RYR1: variants seen among roughly 807,000 people sequenced by gnomAD.
RYR1 encodes the protein central core disease of muscle.
RYR1 carries 342 observed loss-of-function variants against 583.5 expected under a neutral mutation model. The observed-to-expected ratio is 0.59, with a 90% CI of 0.54 to 0.64. RYR1 has a LOEUF of 0.64. Among genes scored for constraint, RYR1 ranks in the 30% least tolerant of loss-of-function variants. The pLI, the probability that RYR1 is intolerant of heterozygous loss-of-function variation, is 0.00. For missense variants in RYR1, 6,032 were observed against 6,917.2 expected, an observed-to-expected ratio of 0.87 and a Z score of 4.54; for synonymous variants, 2,791 against 2,822.5, an observed-to-expected ratio of 0.99 and a Z score of 0.35.
Position 38,587,349 on chromosome 19 carries a change from C to G in RYR1, c.15046C>G (p.Gln5016Glu), listed in dbSNP as rs1355987705. ...GGAGTCTTATGTCTGGAAGATGTACCAAGAGAGATGTTGGGATTTCTTCCC... is the reference window on the plus strand; with the variant it reads ...GGAGTCTTATGTCTGGAAGATGTACGAAGAGAGATGTTGGGATTTCTTCCC... ...GQESYVWKMY[Q>E]ERCWDFFPAG... is the part of the protein sequence containing the mutation. The change falls in exon 106 of 106, where the codon CAA becomes GAA. Residue 5016 changes from glutamine to glutamate, a missense_variant. Coordinates refer to ENST00000359596, the MANE Select transcript of RYR1 (RefSeq NM_000540.3). 1 of 1,613,712 alleles carries G rather than the reference C, an allele frequency of 6.2e-7. No individual in the cohort carries two copies. The highest frequency in any genetic ancestry group is 8.5e-7 in the Non-Finnish European group (1 of 1,179,920).
chr19:38,522,458 T>C (rs1396818495), intron 67 of RYR1, among the ~76,000 whole-genome samples: 1 of 151,698 alleles, frequency 6.6e-6, no homozygotes, highest in African/African-American at 2.4e-5. Context: ...AATAAAACAT[T>C]AGCCAGGCCT....
intron 97 of RYR1, among the ~76,000 whole-genome samples, chr19:38,577,377 T>C (rs1974005947): frequency 6.6e-6 from 1 of 152,232 alleles, no homozygotes. Context: ...GCACCTATTA[T>C]GTGCCAGGAA....
rs1436082101 is a variant in RYR1 at position 38,482,632 on chromosome 19, T to G, written c.4621-395T>G. Among the ~76,000 whole-genome samples the G allele has an allele frequency of 2.0e-5, 3 of 152,184 alleles. No homozygotes were observed. The East Asian group carries it at 5.8e-4, about 29-fold the overall frequency. ...TGCCTCGCTAATTTTTTATGTTTTGTAGAGATGGGGTCTCACTACGTTGCC... is the reference window on the plus strand; with the variant it reads ...TGCCTCGCTAATTTTTTATGTTTTGGAGAGATGGGGTCTCACTACGTTGCC... On this transcript the variant is annotated intron_variant, in intron 31 of 105. Coordinates refer to ENST00000359596, the MANE Select transcript of RYR1 (RefSeq NM_000540.3).
chr19:38,563,453 C>T (rs903310438), intron 90 of RYR1, among the ~76,000 whole-genome samples: 2 of 152,156 alleles, frequency 1.3e-5, no homozygotes, highest in Non-Finnish European at 2.9e-5. Flanking sequence ...TCAGTAGAGG[C>T]GGGGTTTTGC....
chr19:38,554,816 A>G (rs1421311814), intron 89 of RYR1, among the ~76,000 whole-genome samples: 1 of 152,150 alleles, frequency 6.6e-6, no homozygotes, highest in Non-Finnish European at 1.5e-5. Context: ...GTCAGTAAAC[A>G]GTCTTGAGGT....
chr19:38,478,405 G>T (rs778526467), intron 30 of RYR1, 30 bp from the exon 31 acceptor site: 1 of 1,610,404 alleles, frequency 6.2e-7, no homozygotes, highest in Non-Finnish European at 8.5e-7. Context: ...CTCACATGAG[G>T]AGTGCAGTGA....
chr19:38,481,153 G>A (rs185025995), intron 31 of RYR1, among the ~76,000 whole-genome samples: 2 of 152,050 alleles, frequency 1.3e-5, no homozygotes, highest in East Asian at 3.8e-4. Context: ...TTAAGACAGG[G>A]TCTCATTCTG....
At chr19:38,492,974 C>G (rs990044985) in intron 38 of RYR1, among the ~76,000 whole-genome samples, 1 of 152,002 alleles carries the variant, frequency 6.6e-6, no homozygotes, top group Non-Finnish European at 1.5e-5. Context: ...GAGACTGAGG[C>G]ACGAGAATTG....
At position 38,585,993 on chromosome 19, in the gene RYR1, G is replaced by A; in HGVS notation, c.14859G>A (p.Glu4953=). ...GAGACCAACAAGAGCAAGTGAAGGAGGATATGGAGGTAGGTCATGTCTGGG... is the reference window on the plus strand; with the variant it reads ...GAGACCAACAAGAGCAAGTGAAGGAAGATATGGAGGTAGGTCATGTCTGGG... The part of the protein sequence containing the change: ...ELRDQQEQVK[E]DMETKCFICG... The change falls in exon 103 of 106, where the codon GAG becomes GAA. Residue 4953 remains glutamate (E), a synonymous_variant. Coordinates refer to ENST00000359596, the MANE Select transcript of RYR1 (RefSeq NM_000540.3). 1 of 1,614,082 alleles carries A rather than the reference G, an allele frequency of 6.2e-7. No individual in the cohort carries two copies. Among genetic ancestry groups the A allele is most frequent in the African/African-American group, 1.3e-5 (1 of 74,996 alleles).
chr19:38,505,984 G>T (rs756304123), intron 54 of RYR1, 38 bp downstream of exon 54: 33 of 1,600,604 alleles, frequency 2.1e-5, no homozygotes, highest in South Asian at 5.5e-5. Context: ...GGGGCACGAT[G>T]GGGGGAGGGT....
intron 67 of RYR1, among the ~76,000 whole-genome samples, chr19:38,520,815 G>A (rs1971196568): frequency 6.6e-6 from 1 of 151,246 alleles, no homozygotes. Flanking sequence ...TGAACAAATT[G>A]TGGTTTATTC....
At chr19:38,577,435 A>G (rs971131422) in intron 97 of RYR1, among the ~76,000 whole-genome samples, 2 of 152,158 alleles carry the variant, frequency 1.3e-5, no homozygotes, top group African/African-American at 4.8e-5. Context: ...AGTGATTCTG[A>G]CCTTCAAGTT....
In RYR1 at chr19:38,534,786, G is replaced by A. The variant is rs1971893048; in HGVS notation, c.11326G>A (p.Glu3776Lys). Residue 3776 changes from glutamate to lysine, a missense_variant, in exon 79 of 106, where the codon GAG becomes AAG. By Grantham distance (56) the Glu-to-Lys change is moderately conservative. Coordinates refer to ENST00000359596, the MANE Select transcript of RYR1 (RefSeq NM_000540.3). ...ACGGCTGCACACCCGGGGGGCGGCC[G>A]AGATGGTGCTGCAGATGATCAGTGC... ...QARLHTRGAA[E>K]MVLQMISACK... The A allele has an allele frequency of 2.5e-6, 4 of 1,613,662 alleles. No homozygotes were observed. The highest frequency in any genetic ancestry group is 1.3e-5 in the African/African-American group (1 of 75,030).
intron 27 of RYR1, among the ~76,000 whole-genome samples, chr19:38,470,606 G>T (rs1968373250): frequency 2.0e-5 from 3 of 152,056 alleles, no homozygotes; most frequent in African/African-American, 7.2e-5. Context: ...TTAATGGCGT[G>T]GTGGCGGGTG....
intron 42 of RYR1, among the ~76,000 whole-genome samples, chr19:38,497,234 C>T (rs1007123205): frequency 6.6e-6 from 1 of 151,686 alleles, no homozygotes; most frequent in African/African-American, 2.4e-5. Context: ...ACTCTAACTT[C>T]CAGGCTGGGG....
chr19:38,434,671 C>T (rs889635729), intron 1 of RYR1, among the ~76,000 whole-genome samples: 4 of 152,074 alleles, frequency 2.6e-5, no homozygotes, highest in Non-Finnish European at 5.9e-5. Flanking sequence ...TTTCTGGGGC[C>T]TGGGCAGGGG....
chr19:38,557,792 G>A (rs965426681), intron 89 of RYR1, among the ~76,000 whole-genome samples: 3 of 150,746 alleles, frequency 2.0e-5, no homozygotes, highest in Non-Finnish European at 4.4e-5. Flanking sequence ...TGACAAGAGC[G>A]AAATTCTGTC....
Position 38,496,262 on chromosome 19 carries a change from G to A in RYR1, c.6596G>A (p.Arg2199Lys). Residue 2199 changes from arginine to lysine, a missense_variant, in exon 40 of 106, where the codon AGG becomes AAG. Coordinates refer to ENST00000359596, the MANE Select transcript of RYR1 (RefSeq NM_000540.3). This position sits in a 1 kb window ranked among gnomAD's most constrained non-coding sequence, Gnocchi z 4.8. ...KVFYQHPNLM[R>K]ALGMHETVME... is the part of the protein sequence containing the mutation. ...TTCTACCAACACCCGAACCTGATGA[G>A]GGCGCTGGGCATGCACGAGACGGTC... 1.9e-6 allele frequency: 3 copies of A among 1,613,950 alleles called. No individual in the cohort carries two copies. Among genetic ancestry groups the A allele is most frequent in the Non-Finnish European group, 2.5e-6 (3 of 1,180,030 alleles).
chr19:38,489,092 G>C, intron 34 of RYR1, 85 bp from the exon 35 acceptor site: 2 of 1,171,158 alleles, frequency 1.7e-6, no homozygotes, highest in African/African-American at 1.5e-5. Flanking sequence ...GCATGTGCAT[G>C]AGGGGCAGGT....
Sources: allele counts gnomAD v4.1 joint callset (sites outside exome capture counted in the v4.1 genomes callset), GRCh38; gene constraint gnomAD v4.1.1; non-coding constraint Gnocchi (gnomAD v3.1); transcripts MANE v1.5; gene names NCBI Gene and HGNC (gene_info 2026-07-23, HGNC 2026-07-21).